Variants in CAND2 observed in about 807,000 individuals in gnomAD.
The protein encoded by CAND2 is cullin-associated NEDD8-dissociated protein 2.
Under a neutral mutation model 98.9 loss-of-function variants are expected in CAND2, and 62 were observed. That is an observed-to-expected ratio of 0.63 (90% confidence interval 0.51 to 0.77). The LOEUF (loss-of-function observed/expected upper bound fraction) is 0.77. Ranked by LOEUF, CAND2 falls within the 30% of genes least tolerant of loss-of-function variation. The probability of loss-of-function intolerance (pLI) is 0.00; values close to 1 mark genes in which losing one functional copy is unlikely to be tolerated. For missense variants in CAND2, 1,501 were observed against 1,655.2 expected, an observed-to-expected ratio of 0.91 and a Z score of 1.62; for synonymous variants, 770 against 731.9, an observed-to-expected ratio of 1.05 and a Z score of -0.84.
Position 12,831,450 on chromosome 3 carries a change from C to A in CAND2, c.3376-15C>A, listed in dbSNP as rs374956958. ...TGCACCATTTCACTAAGAACCATCT[C>A]CTTCCTCTGGGCAGATGCTGACCTT... On this transcript the variant is annotated splice_polypyrimidine_tract_variant and intron_variant, in intron 13 of 14. Transcript: ENST00000456430. 1.2e-6 allele frequency: 2 copies of A among 1,608,062 alleles called. No individual in the cohort carries two copies. The highest frequency in any genetic ancestry group is 2.2e-5 in the South Asian group (2 of 90,704).
intron 1 of CAND2, among the ~76,000 whole-genome samples, chr3:12,801,636 G>A (rs144424274): frequency 1.3e-5 from 2 of 152,316 alleles, no homozygotes; most frequent in East Asian, 3.9e-4. Flanking sequence ...ACCTCCGGGT[G>A]GGTAGCCCTT....
intron 4 of CAND2, among the ~76,000 whole-genome samples, chr3:12,809,406 C>G (rs118074765): frequency 5.9e-5 from 9 of 152,170 alleles, no homozygotes; most frequent in Non-Finnish European, 1.3e-4. Flanking sequence ...CAAATGAAAC[C>G]TAGGAGAGGG....
At chr3:12,833,407 A>G (rs1408133361) in intron 14 of CAND2, among the ~76,000 whole-genome samples, 1 of 152,152 alleles carries the variant, frequency 6.6e-6, no homozygotes, top group African/African-American at 2.4e-5. Context: ...AGCACAGCAA[A>G]TATAGGCTGG....
At chr3:12,808,082 C>T in intron 3 of CAND2, 128 bp from the exon 4 acceptor site, 1 of 1,263,324 alleles carries the variant, frequency 7.9e-7, no homozygotes, top group East Asian at 2.6e-5. Flanking sequence ...CCTGGGACCT[C>T]TGGAGCCCTG....
rs371224560 is a variant in CAND2 at position 12,816,882 on chromosome 3, G to C, written c.1950G>C (p.Leu650=). 10 of 1,613,900 alleles carry C rather than the reference G, an allele frequency of 6.2e-6. No individual in the cohort carries two copies. Among genetic ancestry groups the C allele is most frequent in the Non-Finnish European group, 7.6e-6 (9 of 1,180,040 alleles). The change falls in exon 10 of 15, where the codon CTG becomes CTC. Residue 650 remains leucine, a synonymous_variant. Coordinates refer to ENST00000456430, the MANE Select transcript of CAND2 (RefSeq NM_001162499.2). ...TACAGCTTGACCTACAGCCCATCCT[G>C]GCCGAGGCACTGCACATTCTGGCCT... ...SPLQLDLQPI[L]AEALHILASF... is the part of the protein sequence containing the mutation.
chr3:12,826,528 A>G (rs147564532), intron 12 of CAND2, among the ~76,000 whole-genome samples: 2,538 of 152,060 alleles, frequency 0.017, 68 homozygotes, highest in African/African-American at 0.058. Context: ...CCTGGGCTCA[A>G]GCGATCCTCC....
At position 12,816,547 on chromosome 3, in the gene CAND2, G is replaced by T. The variant is rs1195319833; in HGVS notation, c.1615G>T (p.Ala539Ser). The T allele has an allele frequency of 1.2e-6, 2 of 1,613,984 alleles. No individual in the cohort carries two copies. Among genetic ancestry groups the T allele is most frequent in the Admixed American group, 3.3e-5 (2 of 60,022 alleles). Residue 539 changes from alanine to serine, a missense_variant, in exon 10 of 15, where the codon GCC becomes TCC. Ala to Ser is a moderately conservative substitution (Grantham distance 99). Around this residue, in one of 3 missense-constraint regions of CAND2, gnomAD observed 1,427 missense variants for 1,545.3 expected, o/e 0.92. Transcript: ENST00000456430. ...GGCTGACTCTTTCTACAAGATTGCA[G>T]CCGAGGCCCTGGTGGTGCTGCAGGA... ...CVADSFYKIAAEALVVLQELV... is the reference protein window; with the variant it reads ...CVADSFYKIASEALVVLQELV...
chr3:12,807,297 C>T lies in CAND2; in HGVS notation c.213-9C>T, dbSNP rs2061813708. 1 of 1,550,500 alleles carries T rather than the reference C, an allele frequency of 6.4e-7. No homozygotes were observed. The highest frequency in any genetic ancestry group is 1.4e-5 in the African/African-American group (1 of 73,158). On this transcript the variant is annotated splice_polypyrimidine_tract_variant and intron_variant, in intron 2 of 14. Transcript: ENST00000456430. ...TGCCCTTGGATTCACCTTCCCACTC[C>T]CTGCTCAGCCTGGGTCCTCTGGTGG...
chr3:12,816,344 G>A (rs1208604258), intron 9 of CAND2, 30 bp from the exon 10 acceptor site: 2 of 1,574,114 alleles, frequency 1.3e-6, no homozygotes, highest in South Asian at 1.2e-5. Context: ...CAGAGGCGGT[G>A]GCCTCATAAC....
rs1308565569 is a variant in CAND2, at chr3:12,827,497, G to A, written c.3268G>A (p.Ala1090Thr). 1 of 1,614,108 alleles carries A rather than the reference G, an allele frequency of 6.2e-7. No homozygotes were observed. The highest frequency in any genetic ancestry group is 8.5e-7 in the Non-Finnish European group (1 of 1,179,990). Reference protein sequence around the residue: ...VDDGLDVRKAAFECMYSLLES... With the variant: ...VDDGLDVRKATFECMYSLLES... ...CGATGGGCTGGACGTGCGGAAGGCG[G>A]CCTTTGAATGCATGTATTCACTGCT... The change falls in exon 13 of 15, where the codon GCC becomes ACC. Residue 1090 changes from alanine (A) to threonine (T), a missense_variant. By Grantham distance (58) the Ala-to-Thr change is moderately conservative (BLOSUM62 0). This residue lies in a region of CAND2 where 1,427 missense variants were observed against 1,545.3 expected (regional missense o/e 0.92). Transcript: ENST00000456430.
At chr3:12,818,806 G>A (rs191360006) in intron 10 of CAND2, among the ~76,000 whole-genome samples, 1 of 152,236 alleles carries the variant, frequency 6.6e-6, no homozygotes, top group African/African-American at 2.4e-5. Context: ...TGCTGGGTTC[G>A]TAAGAAGCAG....
intron 11 of CAND2, among the ~76,000 whole-genome samples, chr3:12,822,269 G>C (rs1488617139): frequency 6.8e-6 from 1 of 147,640 alleles, no homozygotes; most frequent in Non-Finnish European, 1.5e-5. Context: ...CTTCAAGCTG[G>C]TTCCTATTTT....
chr3:12,824,940 A>G (rs181643171), intron 11 of CAND2, among the ~76,000 whole-genome samples: 2 of 152,128 alleles, frequency 1.3e-5, no homozygotes, highest in Non-Finnish European at 2.9e-5. Context: ...AAATCATGGC[A>G]CTGTACAAAA....
In CAND2 at chr3:12,831,507, C is replaced by T. The variant is rs775240369; in HGVS notation, c.3418C>T (p.Pro1140Ser). 1 of 1,614,084 alleles carries T rather than the reference C, an allele frequency of 6.2e-7. No individual in the cohort carries two copies. The highest frequency in any genetic ancestry group is 1.7e-5 in the Admixed American group (1 of 60,016). ...GGTTGCCCGGCTGGCCACCCTGTGT[C>T]CTGCACCTGTCCTGCAGAGGGTGGA... The part of the protein sequence containing the change: ...IMVARLATLC[P>S]APVLQRVDRL... Residue 1140 changes from proline to serine, a missense_variant, in exon 14 of 15, where the codon CCT becomes TCT. Transcript: ENST00000456430.
rs2061891866 is a variant in CAND2 at position 12,815,561 on chromosome 3, G to A, written c.1299+128G>A. 9.5e-7 allele frequency: 1 copy of A among 1,055,650 alleles called. No homozygotes were observed. The highest frequency in any genetic ancestry group is 1.6e-5 in the African/African-American group (1 of 62,284). The allele number at this position is 1,055,650 out of a possible 1,614,324, so 65.4% of individuals were successfully genotyped here. On this transcript the variant is annotated intron_variant, in intron 8 of 14. Coordinates refer to ENST00000456430, the MANE Select transcript of CAND2 (RefSeq NM_001162499.2). This position sits in a 1 kb window ranked among gnomAD's most constrained non-coding sequence, Gnocchi z 5.7. The stretch of plus-strand genomic sequence containing the variant: ...ATGGAAGGGAAGGGAAGGGGTCCCT[G>A]GGGTGGGGGGCGGGAGCCAGCCAGG...
Position 12,815,465 on chromosome 3 carries a change from C to T in CAND2, c.1299+32C>T, listed in dbSNP as rs752156092. 2.6e-5 allele frequency: 41 copies of T among 1,577,662 alleles called. No individual in the cohort carries two copies. The highest frequency in any genetic ancestry group is 8.1e-5 in the African/African-American group (6 of 74,130). On this transcript the variant is annotated intron_variant, in intron 8 of 14. Transcript: ENST00000456430. The surrounding 1 kb of genome is among the most constrained non-coding windows in gnomAD (Gnocchi z 5.7). ...GTGCCTTCACCTCCACCCCTACCCC[C>T]GATTTGCCTACCCAGCCACTCACTG...
At chr3:12,796,861 C>T in intron 1 of CAND2, 73 bp downstream of exon 1, 1 of 1,212,900 alleles carries the variant, frequency 8.2e-7, no homozygotes. Context: ...TCTCGAAGCG[C>T]CAGCCCATCC....
At chr3:12,833,692 A>G in intron 14 of CAND2, 63 bp from the exon 15 acceptor site, 1 of 1,296,876 alleles carries the variant, frequency 7.7e-7, no homozygotes, top group Non-Finnish European at 1.1e-6. Flanking sequence ...AAGACCAGTG[A>G]GGAGGCAGTG....
At chr3:12,799,828 C>T (rs2061753588) in intron 1 of CAND2, among the ~76,000 whole-genome samples, 1 of 152,140 alleles carries the variant, frequency 6.6e-6, no homozygotes, top group South Asian at 2.1e-4. Context: ...AACCATTGTG[C>T]TTAGGGGCTG....
Sources: allele counts gnomAD v4.1 joint callset (sites outside exome capture counted in the v4.1 genomes callset), GRCh38; gene constraint gnomAD v4.1.1; regional missense constraint gnomAD v4.1.1; non-coding constraint Gnocchi (gnomAD v3.1); transcripts MANE v1.5; gene names NCBI Gene and HGNC (gene_info 2026-07-23, HGNC 2026-07-21).